AMH: variants seen among roughly 807,000 people sequenced by gnomAD.
The protein encoded by AMH is anti-Mullerian hormone.
AMH carries 39 observed loss-of-function variants against 33.3 expected under a neutral mutation model. The observed-to-expected ratio is 1.17, with a 90% CI of 0.91 to 1.53. The LOEUF is 1.53. Among genes scored for constraint, AMH ranks in the 40% most tolerant of loss-of-function variants. AMH has a pLI of 0.00. For missense variants in AMH, 1,019 were observed against 799.8 expected (o/e 1.27, Z -3.30); for synonymous variants, 536 against 403.0 (o/e 1.33, Z -3.95).
chr19:2,250,140 C>A lies in AMH; in HGVS notation c.413-197C>A, dbSNP rs996444728. ...CAGAGACCCCAGGGCGGCAGCCCCA[C>A]CCACAGCCTCAGACGCAGCCCCTGC... On this transcript the variant is annotated intron_variant, in intron 1 of 4. Coordinates refer to ENST00000221496, the MANE Select transcript of AMH (RefSeq NM_000479.5). 7 of 903,540 alleles carry A rather than the reference C, an allele frequency of 7.7e-6. No individual in the cohort carries two copies. In the African/African-American group the frequency reaches 8.2e-5, roughly 11 times the overall value. The allele number at this position is 903,540 out of a possible 1,614,324, so 56.0% of individuals were successfully genotyped here.
intron 1 of AMH, 102 bp downstream of exon 1, chr19:2,249,846 A>C (rs1568392736): frequency 1.5e-6 from 2 of 1,332,354 alleles, no homozygotes; most frequent in East Asian, 2.5e-5. Context: ...CACCCTGGGC[A>C]GGGAGGCTGT....
chr19:2,251,091 G>A lies in AMH; in HGVS notation c.825-8G>A, dbSNP rs1302684842. 1.3e-6 allele frequency: 2 copies of A among 1,540,916 alleles called. No homozygotes were observed. The highest frequency in any genetic ancestry group is 1.2e-5 in the South Asian group (1 of 84,016). On this transcript the variant is annotated splice_region_variant and splice_polypyrimidine_tract_variant and intron_variant, in intron 4 of 4. Transcript: ENST00000221496. ...GCCGCTCTCAACTCCTCCAATTGCG[G>A]GTTCCAGGCCATCCGCGGAACTCGA...
Position 2,252,059 on chromosome 19 carries a change from C to T in AMH, c.*102C>T. 8 of 1,483,476 alleles carry T rather than the reference C, an allele frequency of 5.4e-6. No individual in the cohort carries two copies. The South Asian group carries it at 7.4e-5, about 14-fold the overall frequency. 91.9% of individuals were successfully genotyped at this position (1,483,476 alleles called of 1,614,324 possible). A position where few individuals can be genotyped will look rare whatever the true frequency, so the allele number is the denominator to read the frequency against. On this transcript the variant is annotated 3_prime_UTR_variant, in exon 5 of 5. Coordinates refer to ENST00000221496, the MANE Select transcript of AMH (RefSeq NM_000479.5). ...CCCCAAGCATCGCCCCAATAAAGACCAGCAAGCAACCGGCTGGGGTGTCCG... is the reference window on the plus strand; with the variant it reads ...CCCCAAGCATCGCCCCAATAAAGACTAGCAAGCAACCGGCTGGGGTGTCCG...
In AMH at chr19:2,249,501, G is replaced by T. The variant is rs1448559784; in HGVS notation, c.169G>T (p.Val57Leu). 1.2e-6 allele frequency: 2 copies of T among 1,606,650 alleles called. No individual in the cohort carries two copies. The highest frequency in any genetic ancestry group is 1.7e-6 in the Non-Finnish European group (2 of 1,177,824). ...PGSPQEPLCL[V>L]ALGGDSNGSS... The stretch of plus-strand genomic sequence containing the variant: ...CAGCCCACAAGAGCCTCTGTGCCTG[G>T]TGGCACTGGGCGGGGACAGCAATGG... Residue 57 changes from valine to leucine, a missense_variant, in exon 1 of 5, where the codon GTG becomes TTG. Val to Leu is a conservative substitution (Grantham distance 32). Transcript: ENST00000221496.
Position 2,250,719 on chromosome 19 carries a change from G to A in AMH, c.623G>A (p.Arg208His). 3 of 1,538,112 alleles carry A rather than the reference G, an allele frequency of 2.0e-6. No homozygotes were observed. The highest frequency in any genetic ancestry group is 1.7e-6 in the Non-Finnish European group (2 of 1,147,706). Residue 208 changes from arginine to histidine, a missense_variant, in exon 3 of 5, where the codon CGC becomes CAC. Coordinates refer to ENST00000221496, the MANE Select transcript of AMH (RefSeq NM_000479.5). ...GTGGACCGCCCTGCGGGGGCCTGGC[G>A]CGGCTCCGGGCTGGCCTTGACCCTG... ...LAVDRPAGAW[R>H]GSGLALTLQP...
chr19:2,249,883 G>T, intron 1 of AMH, 139 bp downstream of exon 1: 1 of 1,046,550 alleles, frequency 9.6e-7, no homozygotes, highest in Non-Finnish European at 1.3e-6. Flanking sequence ...CTGGGTTGCG[G>T]GTCCGTGGCC....
In AMH at chr19:2,249,698, G is replaced by A; in HGVS notation, c.366G>A (p.Leu122=). Residue 122 remains leucine, a synonymous_variant, in exon 1 of 5, where the codon CTG becomes CTA. Transcript: ENST00000221496. ...CTCTACGGCGGCTGGGGGCCTGGCT[G>A]CGGGACCCTGGGGGGCAGCGCCTGG... ...LPSLRRLGAW[L]RDPGGQRLVV... 1 of 1,504,388 alleles carries A rather than the reference G, an allele frequency of 6.6e-7. No homozygotes were observed. The highest frequency in any genetic ancestry group is 8.8e-7 in the Non-Finnish European group (1 of 1,131,486). The allele number at this position is 1,504,388 out of a possible 1,614,324, so 93.2% of individuals were successfully genotyped here.
In AMH at chr19:2,249,699, C is replaced by T. The variant is rs569914235; in HGVS notation, c.367C>T (p.Arg123Trp). The T allele has an allele frequency of 2.2e-5, 33 of 1,503,428 alleles. No individual in the cohort carries two copies. Among genetic ancestry groups the T allele is most frequent in the East Asian group, 1.2e-4 (5 of 43,342 alleles). 93.1% of individuals were successfully genotyped at this position (1,503,428 alleles called of 1,614,324 possible). A position where few individuals can be genotyped will look rare whatever the true frequency, so the allele number is the denominator to read the frequency against. The change falls in exon 1 of 5, where the codon CGG (arginine) becomes TGG (tryptophan). Residue 123 changes from arginine (R) to tryptophan (W), a missense_variant. Transcript: ENST00000221496. Reference protein sequence around the residue: ...PSLRRLGAWLRDPGGQRLVVL... With the variant: ...PSLRRLGAWLWDPGGQRLVVL... ...TCTACGGCGGCTGGGGGCCTGGCTG[C>T]GGGACCCTGGGGGGCAGCGCCTGGT...
Position 2,250,775 on chromosome 19 carries a change from A to G in AMH, c.664+15A>G. The G allele has an allele frequency of 6.5e-7, 1 of 1,535,164 alleles. No homozygotes were observed. Among genetic ancestry groups the G allele is most frequent in the East Asian group, 2.4e-5 (1 of 41,086 alleles). ...CCGCGGAGAGGGTAGGTCCGCGTGGAGAGGGACGGGGAGCCGGGTCGACTG... is the reference window on the plus strand; with the variant it reads ...CCGCGGAGAGGGTAGGTCCGCGTGGGGAGGGACGGGGAGCCGGGTCGACTG... On this transcript the variant is annotated intron_variant, in intron 3 of 4. Coordinates refer to ENST00000221496, the MANE Select transcript of AMH (RefSeq NM_000479.5).
chr19:2,250,183 G>C (rs751422546), intron 1 of AMH, 154 bp from the exon 2 acceptor site: 3 of 1,294,958 alleles, frequency 2.3e-6, no homozygotes, highest in Admixed American at 4.0e-5. Flanking sequence ...TGCCGTCACC[G>C]CTCCCTGGCT....
rs1397024880 is a variant in AMH at position 2,251,335 on chromosome 19, C to T, written c.1061C>T (p.Ala354Val). The T allele has an allele frequency of 1.7e-5, 26 of 1,494,608 alleles. No homozygotes were observed. Among genetic ancestry groups the T allele is most frequent in the Non-Finnish European group, 2.2e-5 (25 of 1,129,570 alleles). 92.6% of individuals were successfully genotyped at this position (1,494,608 alleles called of 1,614,324 possible). The change falls in exon 5 of 5, where the codon GCG (alanine) becomes GTG (valine). Residue 354 changes from alanine to valine, a missense_variant. Ala to Val is a moderately conservative substitution (Grantham distance 64). Transcript: ENST00000221496. ...CTGCTGCTGCTGCTGAGGCCCACTG[C>T]GGCCACCACCGGGGATCCTGCGCCC... The part of the protein sequence containing the change: ...EPLLLLLRPT[A>V]ATTGDPAPLH...
chr19:2,251,506 G>T lies in AMH; in HGVS notation c.1232G>T (p.Cys411Phe), dbSNP rs1007043302. 7.3e-7 allele frequency: 1 copy of T among 1,365,734 alleles called. No individual in the cohort carries two copies. The highest frequency in any genetic ancestry group is 9.4e-7 in the Non-Finnish European group (1 of 1,063,594). 84.6% of individuals were successfully genotyped at this position (1,365,734 alleles called of 1,614,324 possible). A position where few individuals can be genotyped will look rare whatever the true frequency, so the allele number is the denominator to read the frequency against. Residue 411 changes from cysteine (C) to phenylalanine (F), a missense_variant, in exon 5 of 5, where the codon TGC (cysteine) becomes TTC (phenylalanine). Coordinates refer to ENST00000221496, the MANE Select transcript of AMH (RefSeq NM_000479.5). ...CTGCTGGCGCGCCTGCTCGCGCTCT[G>T]CCCAGGTGGCCCCGGCGGCCTCGGC... is the stretch of plus-strand genomic sequence containing the variant. ...APLLARLLAL[C>F]PGGPGGLGDP...
chr19:2,249,636 G>GCAACACCT lies in AMH; in HGVS notation c.304_305insCAACACCT (p.Val102AlafsTer40). 6.5e-7 allele frequency: 1 copy of GCAACACCT among 1,528,246 alleles called. No homozygotes were observed. Among genetic ancestry groups the GCAACACCT allele is most frequent in the Non-Finnish European group, 8.8e-7 (1 of 1,140,264 alleles). 94.7% of individuals were successfully genotyped at this position (1,528,246 alleles called of 1,614,324 possible). A position where few individuals can be genotyped will look rare whatever the true frequency, so the allele number is the denominator to read the frequency against. ...CCCCCGAGACCTGGCCACCTTCGGG[G>GCAACACCT]TCTGCAACACCGGTGACAGGCAGGC... On this transcript the variant is annotated frameshift_variant, in exon 1 of 5. Transcript: ENST00000221496. LOFTEE classifies it high-confidence loss of function.
rs1207884435 is a variant in AMH, at chr19:2,250,329, G to A, written c.413-8G>A. On this transcript the variant is annotated splice_polypyrimidine_tract_variant and splice_region_variant and intron_variant, in intron 1 of 4. Transcript: ENST00000221496. ...TGGCTCAGGCGTCCCCTGCTGTCCCGGCTGCAGTGACCTGGGAGCCAACAC... is the reference window on the plus strand; with the variant it reads ...TGGCTCAGGCGTCCCCTGCTGTCCCAGCTGCAGTGACCTGGGAGCCAACAC... 4 of 1,593,694 alleles carry A rather than the reference G, an allele frequency of 2.5e-6. No individual in the cohort carries two copies. Among genetic ancestry groups the A allele is most frequent in the African/African-American group, 1.3e-5 (1 of 74,896 alleles).
In AMH at chr19:2,250,327, C is replaced by G. The variant is rs540520333; in HGVS notation, c.413-10C>G. ...AATGGCTCAGGCGTCCCCTGCTGTCCCGGCTGCAGTGACCTGGGAGCCAAC... is the reference window on the plus strand; with the variant it reads ...AATGGCTCAGGCGTCCCCTGCTGTCGCGGCTGCAGTGACCTGGGAGCCAAC... On this transcript the variant is annotated splice_polypyrimidine_tract_variant and intron_variant, in intron 1 of 4. Transcript: ENST00000221496. The G allele has an allele frequency of 2.6e-5, 42 of 1,593,018 alleles. 1 individual carries two copies. In the South Asian group the frequency reaches 4.7e-4, roughly 18 times the overall value.
intron 1 of AMH, 136 bp from the exon 2 acceptor site, chr19:2,250,201 G>C: frequency 7.1e-7 from 1 of 1,399,600 alleles, no homozygotes; most frequent in South Asian, 1.2e-5. Flanking sequence ...GCTGCAGGAA[G>C]GCAGCTAAGA....
In AMH at chr19:2,251,747, G is replaced by C. The variant is rs1236875766; in HGVS notation, c.1473G>C (p.Val491=). The C allele has an allele frequency of 6.2e-7, 1 of 1,611,690 alleles. No homozygotes were observed. Among genetic ancestry groups the C allele is most frequent in the African/African-American group, 1.3e-5 (1 of 75,006 alleles). ...ETYQANNCQG[V]CGWPQSDRNP... ...ACCAGGCCAACAATTGCCAGGGCGT[G>C]TGCGGCTGGCCTCAGTCCGACCGCA... is the stretch of plus-strand genomic sequence containing the variant. Residue 491 remains valine, a synonymous_variant, in exon 5 of 5, where the codon GTG becomes GTC. Coordinates refer to ENST00000221496, the MANE Select transcript of AMH (RefSeq NM_000479.5).
At chr19:2,250,584 G>A in intron 2 of AMH, 68 bp from the exon 3 acceptor site, 2 of 1,536,906 alleles carry the variant, frequency 1.3e-6, no homozygotes. Flanking sequence ...GGCGATGGGA[G>A]GAAGGGGACC....
In AMH at chr19:2,251,824, G is replaced by C. The variant is rs771001794; in HGVS notation, c.1550G>C (p.Gly517Ala). ...VVLLLKMQVRGAALARPPCCV... is the reference protein window; with the variant it reads ...VVLLLKMQVRAAALARPPCCV... ...CTGCTGCTGAAGATGCAGGTCCGTGGGGCCGCCCTGGCGCGCCCACCCTGC... is the reference window on the plus strand; with the variant it reads ...CTGCTGCTGAAGATGCAGGTCCGTGCGGCCGCCCTGGCGCGCCCACCCTGC... The change falls in exon 5 of 5, where the codon GGG (glycine) becomes GCG (alanine). Residue 517 changes from glycine (G) to alanine (A), a missense_variant. Gly to Ala is a moderately conservative substitution (Grantham distance 60). Transcript: ENST00000221496. 5.6e-6 allele frequency: 9 copies of C among 1,602,178 alleles called. No individual in the cohort carries two copies. In the South Asian group the frequency reaches 9.9e-5, roughly 18 times the overall value.
Sources: allele counts gnomAD v4.1 joint callset, GRCh38; gene constraint gnomAD v4.1.1; transcripts MANE v1.5; gene names NCBI Gene and HGNC (gene_info 2026-07-23, HGNC 2026-07-21).